SLC16A2: variants seen among roughly 807,000 people sequenced by gnomAD.
SLC16A2 encodes the protein monocarboxylate transporter 8.
In SLC16A2, 3 loss-of-function variants were observed where a neutral mutation model predicts 27.2. That is an observed-to-expected ratio of 0.11 (90% confidence interval 0.05 to 0.28). SLC16A2 has a LOEUF of 0.28. SLC16A2 is among the 10% of genes least tolerant of loss of function. SLC16A2 has a pLI of 1.00. For missense variants in SLC16A2, 295 were observed against 458.5 expected (o/e 0.64, Z 3.26); for synonymous variants, 202 against 187.8 (o/e 1.08, Z -0.62).
chrX:74,480,010 C>G (rs1306589998), intron 1 of SLC16A2, among the ~76,000 whole-genome samples: 2 of 112,328 alleles, frequency 1.8e-5, no homozygotes, highest in East Asian at 2.8e-4. Flanking sequence ...CTCTTCAAAG[C>G]TGTCAGATAG....
chrX:74,427,818 C>G (rs1434355635), intron 1 of SLC16A2, among the ~76,000 whole-genome samples: 12 of 106,965 alleles, frequency 1.1e-4, no homozygotes, highest in African/African-American at 2.7e-4. Flanking sequence ...CGCGCACACA[C>G]ACACACACAC....
At chrX:74,471,595 A>ACTAT (rs1929358265) in intron 1 of SLC16A2, among the ~76,000 whole-genome samples, 1 of 111,863 alleles carries the variant, frequency 8.9e-6, no homozygotes, top group Non-Finnish European at 1.9e-5. Context: ...TTATCTTTTC[A>ACTAT]CTATCTTACT....
chrX:74,455,261 A>G, intron 1 of SLC16A2, among the ~76,000 whole-genome samples: 1 of 111,695 alleles, frequency 9.0e-6, no homozygotes, highest in South Asian at 3.8e-4. Flanking sequence ...TAAATACTAT[A>G]CGCTTTCATA....
In SLC16A2 at chrX:74,533,458, C is replaced by G. The variant is rs1279734702; in HGVS notation, c.*1905C>G. ...AACAGGAGAATCTGGGCCCTAGGAG[C>G]CCTGTAACTCCCAGGAGAGACCACT... On this transcript the variant is annotated 3_prime_UTR_variant, in exon 6 of 6. Coordinates refer to ENST00000587091, the MANE Select transcript of SLC16A2 (RefSeq NM_006517.5). The G allele has an allele frequency of 1.8e-5, 2 of 112,217 alleles. No individual in the cohort carries two copies. Among genetic ancestry groups the G allele is most frequent in the Non-Finnish European group, 3.8e-5 (2 of 53,155 alleles). 9.2% of individuals were successfully genotyped at this position (112,217 alleles called of 1,213,427 possible).
At chrX:74,432,790 G>C (rs1928556096) in intron 1 of SLC16A2, among the ~76,000 whole-genome samples, 1 of 111,938 alleles carries the variant, frequency 8.9e-6, no homozygotes, top group East Asian at 2.8e-4. Context: ...GTGTTCCCCA[G>C]CTCAATCACT....
At chrX:74,451,924 G>A (rs900257121) in intron 1 of SLC16A2, among the ~76,000 whole-genome samples, 1 of 112,657 alleles carries the variant, frequency 8.9e-6, no homozygotes, top group Admixed American at 9.4e-5. Context: ...GAAACAGAAG[G>A]GATGTGCTAC....
At chrX:74,457,515 TC>T (rs1228632694) in intron 1 of SLC16A2, among the ~76,000 whole-genome samples, 1 of 111,650 alleles carries the variant, frequency 9.0e-6, no homozygotes, top group Non-Finnish European at 1.9e-5. Flanking sequence ...GTCCTTGAGC[TC>T]CATTGACCCT....
intron 1 of SLC16A2, among the ~76,000 whole-genome samples, chrX:74,484,072 C>T (rs950909507): frequency 1.8e-5 from 2 of 111,379 alleles, no homozygotes; most frequent in African/African-American, 6.5e-5. Flanking sequence ...ATAGAATTTC[C>T]ATCATACTAA....
intron 1 of SLC16A2, among the ~76,000 whole-genome samples, chrX:74,462,741 G>C (rs1167104336): frequency 2.7e-5 from 3 of 112,030 alleles, no homozygotes; most frequent in African/African-American, 9.7e-5. Flanking sequence ...ATGACCAAAG[G>C]GAAACATGAC....
chrX:74,525,210 G>C, intron 3 of SLC16A2, among the ~76,000 whole-genome samples: 1 of 111,852 alleles, frequency 8.9e-6, no homozygotes, highest in South Asian at 3.8e-4. Context: ...TTTATAATGT[G>C]TAGTAATCTC....
intron 5 of SLC16A2, among the ~76,000 whole-genome samples, chrX:74,530,602 C>T (rs1930553353): frequency 8.9e-6 from 1 of 111,921 alleles, no homozygotes; most frequent in South Asian, 3.7e-4. Flanking sequence ...GGGAAGGGGG[C>T]CTCTACTCAC....
chrX:74,523,642 T>C (rs1027755559), intron 2 of SLC16A2, among the ~76,000 whole-genome samples: 3 of 111,312 alleles, frequency 2.7e-5, no homozygotes, highest in Non-Finnish European at 5.7e-5. Context: ...CCACTTCCTG[T>C]CAAGGAGCCA....
chrX:74,430,524 T>C (rs1230263720), intron 1 of SLC16A2, among the ~76,000 whole-genome samples: 6 of 112,212 alleles, frequency 5.3e-5, no homozygotes, highest in Non-Finnish European at 1.1e-4. Flanking sequence ...CCCAGATCTA[T>C]ATGCAAAGCG....
intron 1 of SLC16A2, among the ~76,000 whole-genome samples, chrX:74,447,639 C>T (rs2147844104): frequency 9.2e-6 from 1 of 109,058 alleles, no homozygotes; most frequent in African/African-American, 3.3e-5. Flanking sequence ...CTCACCACTG[C>T]ACTCCAGCCT....
intron 1 of SLC16A2, among the ~76,000 whole-genome samples, chrX:74,501,333 T>C (rs1325996612): frequency 5.4e-5 from 6 of 111,319 alleles, no homozygotes; most frequent in Non-Finnish European, 1.1e-4. Context: ...CCAGAACAGT[T>C]TGGCCTCTAC....
chrX:74,493,073 C>A (rs1479777358), intron 1 of SLC16A2, among the ~76,000 whole-genome samples: 28 of 112,082 alleles, frequency 2.5e-4, no homozygotes, highest in African/African-American at 8.1e-4. Context: ...CCCAACCTGC[C>A]TGCCTGGAGC....
chrX:74,428,623 CCCCCTTT>C (rs1280841493), intron 1 of SLC16A2, among the ~76,000 whole-genome samples: 51 of 111,056 alleles, frequency 4.6e-4, no homozygotes, highest in Non-Finnish European at 1.3e-4. Context: ...GGCCTCCCTT[CCCCCTTT>C]CCCCTTCCTT....
intron 1 of SLC16A2, among the ~76,000 whole-genome samples, chrX:74,427,793 G>A (rs955679268): frequency 3.2e-4 from 28 of 86,760 alleles, no homozygotes; most frequent in Admixed American, 8.2e-4. Context: ...AAGCGCATGC[G>A]CACGCGTGCA....
At chrX:74,460,927 A>G (rs997538104) in intron 1 of SLC16A2, among the ~76,000 whole-genome samples, 9 of 111,873 alleles carry the variant, frequency 8.0e-5, no homozygotes, top group Non-Finnish European at 1.7e-4. Context: ...CTAGGATTAC[A>G]GGTGTGAGCC....
Sources: gnomAD v4.1 joint callset for allele counts (sites outside exome capture counted in the v4.1 genomes callset) on GRCh38, gnomAD v4.1.1 for gene constraint, MANE v1.5 for transcripts, NCBI Gene and HGNC (gene_info 2026-07-23, HGNC 2026-07-21) for gene names.